Variants in IQCM observed in about 807,000 individuals in gnomAD.
IQCM encodes IQ motif containing M, also known as IQ domain-containing protein M.
In IQCM, 45 loss-of-function variants were observed where a neutral mutation model predicts 57.6. The ratio of observed to expected loss-of-function variants is 0.78; its 90% CI spans 0.62 to 1.00. The LOEUF (loss-of-function observed/expected upper bound fraction) is 1.00, where lower values mean the gene tolerates loss of function less well. Among genes scored for constraint, IQCM ranks in the 50% least tolerant of loss-of-function variants. The pLI is 0.00. For missense variants in IQCM, 468 were observed against 511.6 expected, an observed-to-expected ratio of 0.91 and a Z score of 0.82; for synonymous variants, 148 against 158.9, an observed-to-expected ratio of 0.93 and a Z score of 0.51.
chr4:149,761,461 T>C (rs1769504939), intron 2 of IQCM, among the ~76,000 whole-genome samples: 1 of 152,082 alleles, frequency 6.6e-6, no homozygotes, highest in Admixed American at 6.6e-5. Flanking sequence ...TGATTTTCTT[T>C]AGAGGAACAT....
At chr4:149,413,750 A>G (rs191065987) in intron 13 of IQCM, among the ~76,000 whole-genome samples, 4 of 152,318 alleles carry the variant, frequency 2.6e-5, no homozygotes, top group Non-Finnish European at 2.9e-5. Flanking sequence ...TATATTTTTT[A>G]AATAAACTTC....
intron 12 of IQCM, among the ~76,000 whole-genome samples, chr4:149,451,214 T>C (rs1003071609): frequency 7.3e-5 from 11 of 151,408 alleles, no homozygotes; most frequent in African/African-American, 7.3e-5. Flanking sequence ...TCAGGGGAGA[T>C]GGGGTGATTA....
At chr4:149,718,327 T>C (rs1221039784) in intron 5 of IQCM, among the ~76,000 whole-genome samples, 1 of 152,238 alleles carries the variant, frequency 6.6e-6, no homozygotes, top group East Asian at 1.9e-4. Flanking sequence ...ATATGTATTT[T>C]TTTAAGCAAG....
intron 9 of IQCM, among the ~76,000 whole-genome samples, chr4:149,571,839 T>C (rs999988058): frequency 2.0e-5 from 3 of 152,092 alleles, no homozygotes; most frequent in Admixed American, 1.3e-4. Flanking sequence ...AACCATGCTT[T>C]ATGAATGCAT....
At chr4:149,719,614 T>C (rs139192713) in intron 5 of IQCM, among the ~76,000 whole-genome samples, 9 of 152,288 alleles carry the variant, frequency 5.9e-5, no homozygotes, top group African/African-American at 2.2e-4. Context: ...ATATAAACAA[T>C]GTCATCAGTA....
intron 2 of IQCM, among the ~76,000 whole-genome samples, chr4:149,747,182 G>A (rs1768006245): frequency 6.6e-6 from 1 of 152,208 alleles, no homozygotes. Flanking sequence ...AAAGAGAAAG[G>A]AGAGCAGGTA....
At chr4:149,488,690 A>G (rs1358757555) in intron 12 of IQCM, among the ~76,000 whole-genome samples, 2 of 152,296 alleles carry the variant, frequency 1.3e-5, no homozygotes, top group East Asian at 3.9e-4. Flanking sequence ...CTATTGGGTC[A>G]TAACCGCCTC....
At chr4:149,658,359 A>G (rs1049150362) in intron 7 of IQCM, among the ~76,000 whole-genome samples, 1 of 151,406 alleles carries the variant, frequency 6.6e-6, no homozygotes, top group Non-Finnish European at 1.5e-5. Flanking sequence ...CCCTTGGTCT[A>G]TGTGTTTGGT....
intron 2 of IQCM, among the ~76,000 whole-genome samples, chr4:149,811,721 G>T (rs1049620684): frequency 2.0e-5 from 3 of 152,094 alleles, no homozygotes. Context: ...GAACAATCCC[G>T]AGGACTAAAT....
At chr4:149,376,541 A>G (rs1730711215) in intron 13 of IQCM, among the ~76,000 whole-genome samples, 1 of 152,092 alleles carries the variant, frequency 6.6e-6, no homozygotes. Context: ...GCCTGCTGCA[A>G]TATTGCCAGG....
intron 12 of IQCM, among the ~76,000 whole-genome samples, chr4:149,446,358 A>G (rs1418711935): frequency 6.6e-6 from 1 of 151,756 alleles, no homozygotes; most frequent in Non-Finnish European, 1.5e-5. Flanking sequence ...CCATGATGCT[A>G]CTTTTATTTA....
intron 7 of IQCM, among the ~76,000 whole-genome samples, chr4:149,638,622 C>T (rs1485689146): frequency 6.6e-6 from 1 of 152,030 alleles, no homozygotes; most frequent in Non-Finnish European, 1.5e-5. Context: ...AAATATTATG[C>T]TAATTAAAAG....
At chr4:149,475,960 C>T (rs547926141) in intron 12 of IQCM, among the ~76,000 whole-genome samples, 9 of 152,026 alleles carry the variant, frequency 5.9e-5, no homozygotes, top group Non-Finnish European at 1.3e-4. Context: ...GTGGATGACT[C>T]TTTCAAGAAA....
intron 12 of IQCM, among the ~76,000 whole-genome samples, chr4:149,484,651 A>G (rs1468957334): frequency 1.3e-5 from 2 of 151,878 alleles, no homozygotes; most frequent in African/African-American, 4.8e-5. Flanking sequence ...TTTATGTCTT[A>G]CCGTACTAAG....
intron 12 of IQCM, among the ~76,000 whole-genome samples, chr4:149,490,616 G>A (rs965643529): frequency 2.6e-5 from 4 of 151,798 alleles, no homozygotes; most frequent in Admixed American, 6.6e-5. Context: ...TAAATATATT[G>A]CCTACTATTT....
At chr4:149,599,015 T>A (rs1374130320) in intron 8 of IQCM, among the ~76,000 whole-genome samples, 1 of 152,088 alleles carries the variant, frequency 6.6e-6, no homozygotes, top group African/African-American at 2.4e-5. Flanking sequence ...TATATATATA[T>A]AATATGACAT....
intron 5 of IQCM, among the ~76,000 whole-genome samples, chr4:149,694,924 CTTTT>C (rs1763230075): frequency 1.3e-5 from 2 of 152,136 alleles, no homozygotes; most frequent in African/African-American, 4.8e-5. Flanking sequence ...ACCTTTCTCT[CTTTT>C]TAAGACCCAC....
At chr4:149,609,025 A>T (rs906737880) in intron 8 of IQCM, among the ~76,000 whole-genome samples, 5 of 151,728 alleles carry the variant, frequency 3.3e-5, no homozygotes, top group Non-Finnish European at 7.4e-5. Context: ...AAGACAGAAG[A>T]CCCAAATAAA....
At chr4:149,428,297 TA>T (rs536915923) in intron 13 of IQCM, among the ~76,000 whole-genome samples, 58 of 151,618 alleles carry the variant, frequency 3.8e-4, no homozygotes, top group South Asian at 2.3e-3. Flanking sequence ...TAAAAGCCTT[TA>T]AAAAAAATAA....
Sources: allele counts gnomAD v4.1 joint callset (sites outside exome capture counted in the v4.1 genomes callset), GRCh38; gene constraint gnomAD v4.1.1; transcripts MANE v1.5; gene names NCBI Gene and HGNC (gene_info 2026-07-23, HGNC 2026-07-21).